The following SDK1 variants were observed in gnomAD, a reference collection of about 807,000 sequenced individuals.
SDK1 encodes the protein protein sidekick-1.
SDK1 carries 157 observed loss-of-function variants against 245.5 expected under a neutral mutation model. The ratio of observed to expected loss-of-function variants is 0.64; its 90% confidence interval spans 0.56 to 0.73. The LOEUF (loss-of-function observed/expected upper bound fraction) is 0.73, where lower values mean the gene tolerates loss of function less well. SDK1 is among the 30% of genes least tolerant of loss of function. The pLI is 0.00. For synonymous variants in SDK1, 1,647 were observed against 1,278.5 expected (o/e 1.29, Z -6.15); for missense variants, 3,583 against 3,002.3 (o/e 1.19, Z -4.52).
At chr7:4,023,595 T>A (rs966478459) in intron 17 of SDK1, among the ~76,000 whole-genome samples, 2 of 151,950 alleles carry the variant, frequency 1.3e-5, no homozygotes, top group East Asian at 1.9e-4. Flanking sequence ...GTGGAAAAAA[T>A]TCCGCGGAGT....
At chr7:3,771,096 G>A (rs1351571575) in intron 4 of SDK1, among the ~76,000 whole-genome samples, 1 of 152,064 alleles carries the variant, frequency 6.6e-6, no homozygotes, top group East Asian at 1.9e-4. Flanking sequence ...GATCTGGACT[G>A]AGCTGCCTCA....
intron 5 of SDK1, among the ~76,000 whole-genome samples, chr7:3,839,542 A>G (rs1265469400): frequency 6.6e-6 from 1 of 152,206 alleles, no homozygotes; most frequent in African/African-American, 2.4e-5. Context: ...CTGTTTATTT[A>G]TGAAAATAAG....
chr7:3,654,746 T>C (rs558286104), intron 4 of SDK1, among the ~76,000 whole-genome samples: 2 of 152,326 alleles, frequency 1.3e-5, no homozygotes, highest in South Asian at 2.1e-4. Context: ...GATCGTAGAA[T>C]TGCTTGGTTC....
chr7:3,462,017 C>G (rs944554343), intron 1 of SDK1, among the ~76,000 whole-genome samples: 2 of 152,168 alleles, frequency 1.3e-5, no homozygotes, highest in Admixed American at 6.5e-5. Flanking sequence ...CCTAATCTAA[C>G]TACTGCACCC....
chr7:4,092,180 G>A (rs1781850418), intron 22 of SDK1, among the ~76,000 whole-genome samples: 1 of 152,212 alleles, frequency 6.6e-6, no homozygotes, highest in African/African-American at 2.4e-5. Context: ...GAGAGAACTA[G>A]AACATGGTGT....
intron 1 of SDK1, among the ~76,000 whole-genome samples, chr7:3,568,380 C>T (rs1779994801): frequency 6.6e-6 from 1 of 152,186 alleles, no homozygotes; most frequent in East Asian, 1.9e-4. Context: ...CCTCTATTAC[C>T]ATAGTAATCA....
At chr7:3,836,788 C>G (rs1780037379) in intron 5 of SDK1, among the ~76,000 whole-genome samples, 1 of 152,210 alleles carries the variant, frequency 6.6e-6, no homozygotes, top group Admixed American at 6.5e-5. Flanking sequence ...AAACTCAAGT[C>G]TCTTCCTTAG....
intron 4 of SDK1, among the ~76,000 whole-genome samples, chr7:3,763,469 T>C (rs1331741341): frequency 2.0e-5 from 3 of 152,196 alleles, no homozygotes; most frequent in African/African-American, 7.2e-5. Flanking sequence ...TACATCTTCA[T>C]GTCCCTCCAT....
At chr7:3,332,052 G>T (rs972862599) in intron 1 of SDK1, among the ~76,000 whole-genome samples, 1 of 151,934 alleles carries the variant, frequency 6.6e-6, no homozygotes, top group South Asian at 2.1e-4. Flanking sequence ...CTTAGAAGAT[G>T]GTGTTGAATC....
intron 1 of SDK1, among the ~76,000 whole-genome samples, chr7:3,605,136 AAAAC>A (rs201423165): frequency 4.3e-5 from 6 of 139,058 alleles, no homozygotes; most frequent in African/African-American, 1.6e-4. Flanking sequence ...GAGGAAAAAA[AAAAC>A]AAGAAACACA....
At chr7:3,532,189 T>TA (rs1783370343) in intron 1 of SDK1, among the ~76,000 whole-genome samples, 1 of 152,210 alleles carries the variant, frequency 6.6e-6, no homozygotes, top group South Asian at 2.1e-4. Flanking sequence ...CCACCTCCAG[T>TA]ACCTCTTCTT....
chr7:3,486,211 T>G (rs900261220), intron 1 of SDK1, among the ~76,000 whole-genome samples: 1 of 152,090 alleles, frequency 6.6e-6, no homozygotes, highest in Non-Finnish European at 1.5e-5. Flanking sequence ...TAGCTTTTAA[T>G]GTTAATTAAA....
chr7:3,521,137 G>T (rs975216381), intron 1 of SDK1, among the ~76,000 whole-genome samples: 7 of 152,142 alleles, frequency 4.6e-5, no homozygotes, highest in African/African-American at 1.7e-4. Flanking sequence ...CCAGGGGCTG[G>T]TCTTTGCCCA....
rs751541249 is a variant in SDK1, at chr7:4,174,304, G to T, written c.4883G>T (p.Gly1628Val). 44 of 1,613,832 alleles carry T rather than the reference G, an allele frequency of 2.7e-5. No homozygotes were observed. Among genetic ancestry groups the T allele is most frequent in the Non-Finnish European group, 3.7e-5 (44 of 1,179,828 alleles). Residue 1628 changes from glycine to valine, a missense_variant, in exon 33 of 45, where the codon GGC (glycine) becomes GTC (valine). Physicochemically the swap from Gly to Val is moderately radical, Grantham distance 109. Transcript: ENST00000404826. Reference protein sequence around the residue: ...YRELEYEAGSGTEAKTLKNPI... With the variant: ...YRELEYEAGSVTEAKTLKNPI... ...GAGCTGGAGTATGAAGCCGGGTCAG[G>T]CACTGAGGCCAAGACGCTCAAAAAC...
chr7:3,308,552 T>G (rs1318185405), intron 1 of SDK1, among the ~76,000 whole-genome samples: 3 of 101,472 alleles, frequency 3.0e-5, no homozygotes, highest in Non-Finnish European at 6.5e-5. Context: ...TGAAAACAGA[T>G]AGTCAGGTAA....
rs556189156 is a variant in SDK1 at position 3,889,699 on chromosome 7, A to G, written c.848-61224A>G. Among the ~76,000 whole-genome samples, 773 of 152,216 alleles carry G rather than the reference A, an allele frequency of 5.1e-3. 4 individuals carry two copies. Among genetic ancestry groups the G allele is most frequent in the African/African-American group, 0.018 (752 of 41,574 alleles). ...ATTTTTTTGTATTTTTAGTAGAGACAGGGTTTCATCGTGTTAGCCAGGATG... is the reference window on the plus strand; with the variant it reads ...ATTTTTTTGTATTTTTAGTAGAGACGGGGTTTCATCGTGTTAGCCAGGATG... On this transcript the variant is annotated intron_variant, in intron 5 of 44. Transcript: ENST00000404826.
At chr7:4,150,087 G>A (rs1403086322) in intron 30 of SDK1, among the ~76,000 whole-genome samples, 5 of 152,070 alleles carry the variant, frequency 3.3e-5, no homozygotes, top group African/African-American at 1.2e-4. Context: ...TCACAACTGC[G>A]GTTTACAGAC....
At chr7:3,771,663 GA>G (rs1780408555) in intron 4 of SDK1, among the ~76,000 whole-genome samples, 1 of 152,054 alleles carries the variant, frequency 6.6e-6, no homozygotes, top group African/African-American at 2.4e-5. Flanking sequence ...TTTTTTTCCA[GA>G]TTATTTCTTG....
chr7:3,878,381 C>T (rs1007054917), intron 5 of SDK1, among the ~76,000 whole-genome samples: 1 of 152,080 alleles, frequency 6.6e-6, no homozygotes, highest in African/African-American at 2.4e-5. Context: ...ATTAGCTGGG[C>T]ATGGTGGCAG....
Sources: gnomAD v4.1 joint callset for allele counts (sites outside exome capture counted in the v4.1 genomes callset) on GRCh38, gnomAD v4.1.1 for gene constraint, MANE v1.5 for transcripts, NCBI Gene and HGNC (gene_info 2026-07-23, HGNC 2026-07-21) for gene names.